The following TRAPPC9 variants were observed in gnomAD, a reference collection of about 807,000 sequenced individuals.
TRAPPC9 encodes the protein IKK2 binding protein.
In TRAPPC9, 83 loss-of-function variants were observed where a neutral mutation model predicts 124.0. The observed-to-expected ratio is 0.67, with a 90% CI of 0.56 to 0.80. The LOEUF (loss-of-function observed/expected upper bound fraction) is 0.80. Among genes scored for constraint, TRAPPC9 ranks in the 30% least tolerant of loss-of-function variants. TRAPPC9 has a pLI of 0.00. For synonymous variants in TRAPPC9, 638 were observed against 617.5 expected (o/e 1.03, Z -0.49); for missense variants, 1,302 against 1,508.3 (o/e 0.86, Z 2.27).
chr8:140,100,878 C>T (rs2060566520), intron 17 of TRAPPC9, among the ~76,000 whole-genome samples: 1 of 152,300 alleles, frequency 6.6e-6, no homozygotes, highest in South Asian at 2.1e-4. Context: ...GGTTCGGAGG[C>T]GTCAGCGCTA....
chr8:140,028,408 A>G (rs1053035154), intron 17 of TRAPPC9, among the ~76,000 whole-genome samples: 10 of 152,226 alleles, frequency 6.6e-5, no homozygotes, highest in Non-Finnish European at 1.3e-4. Context: ...CTTTTATTAA[A>G]GAGTACCTAC....
intron 20 of TRAPPC9, among the ~76,000 whole-genome samples, chr8:139,894,281 G>A (rs913179416): frequency 9.2e-5 from 14 of 152,242 alleles, no homozygotes; most frequent in Non-Finnish European, 1.9e-4. Context: ...GTGCAAAGCT[G>A]TTTCCCTCCT....
At chr8:140,306,450 G>A (rs1169477633) in intron 10 of TRAPPC9, among the ~76,000 whole-genome samples, 13 of 139,698 alleles carry the variant, frequency 9.3e-5, no homozygotes, top group South Asian at 2.2e-4. Flanking sequence ...CCTAGACTGC[G>A]CCACTGCACT....
At chr8:140,359,812 G>A (rs552505607) in intron 9 of TRAPPC9, among the ~76,000 whole-genome samples, 3 of 152,296 alleles carry the variant, frequency 2.0e-5, no homozygotes, top group Admixed American at 2.0e-4. Context: ...ATGGAGTGTG[G>A]CGGCCGAGGA....
intron 17 of TRAPPC9, among the ~76,000 whole-genome samples, chr8:140,116,016 G>A (rs527910328): frequency 1.2e-4 from 18 of 152,264 alleles, no homozygotes; most frequent in South Asian, 1.0e-3. Context: ...AGGAGCTCAC[G>A]AGCATAAAAG....
chr8:139,978,607 C>T (rs980568001), intron 19 of TRAPPC9, among the ~76,000 whole-genome samples: 7 of 152,104 alleles, frequency 4.6e-5, no homozygotes, highest in Non-Finnish European at 7.4e-5. Flanking sequence ...TGAAGGTGGG[C>T]GACAAGCACG....
intron 17 of TRAPPC9, among the ~76,000 whole-genome samples, chr8:140,114,421 T>C (rs910429399): frequency 4.6e-5 from 7 of 151,680 alleles, no homozygotes; most frequent in African/African-American, 9.7e-5. Flanking sequence ...TTTAGGCCCA[T>C]GTAGTCCAAA....
In TRAPPC9 at chr8:140,441,293, G is replaced by T. The variant is rs1238784164; in HGVS notation, c.585-2096C>A. Among the ~76,000 whole-genome samples, 4 of 151,926 alleles carry T rather than the reference G, an allele frequency of 2.6e-5. No homozygotes were observed. In the East Asian group the frequency reaches 7.8e-4, roughly 30 times the overall value. On this transcript the variant is annotated intron_variant, in intron 2 of 22. Transcript: ENST00000438773. ...CAGCCAGCTCTTACTCTCAAAGGTA[G>T]ACAGTGTTTTGCTCACTTCCTTGGT...
At chr8:140,167,609 T>C (rs1383681470) in intron 17 of TRAPPC9, among the ~76,000 whole-genome samples, 1 of 152,168 alleles carries the variant, frequency 6.6e-6, no homozygotes, top group East Asian at 1.9e-4. Context: ...CATGTGGTAG[T>C]TATAGGAACA....
chr8:139,891,888 G>A (rs557627287), intron 20 of TRAPPC9, among the ~76,000 whole-genome samples: 85 of 152,324 alleles, frequency 5.6e-4, no homozygotes, highest in Non-Finnish European at 1.1e-3. Context: ...AATTTACAGA[G>A]AAGGAAAGAG....
At chr8:140,187,141 G>A (rs2062370506) in intron 17 of TRAPPC9, among the ~76,000 whole-genome samples, 1 of 152,158 alleles carries the variant, frequency 6.6e-6, no homozygotes, top group Non-Finnish European at 1.5e-5. Flanking sequence ...GACCTGTGCA[G>A]GTCCACTCAT....
intron 19 of TRAPPC9, chr8:139,932,347 C>T (rs1292318613): frequency 2.2e-6 from 1 of 457,878 alleles, no homozygotes; most frequent in Admixed American, 2.3e-5. Flanking sequence ...GCCACGGGAC[C>T]TGAGCAGAGT....
chr8:140,037,829 A>AC (rs1841003799), intron 17 of TRAPPC9, among the ~76,000 whole-genome samples: 1 of 129,468 alleles, frequency 7.7e-6, no homozygotes, highest in African/African-American at 2.8e-5. Flanking sequence ...ACACATACCC[A>AC]ACACACACCA....
In TRAPPC9 at chr8:139,788,235, C is replaced by G. The variant is rs1822412646; in HGVS notation, c.3056-56033G>C. Among the ~76,000 whole-genome samples the G allele has an allele frequency of 6.6e-6, 1 of 152,332 alleles. No individual in the cohort carries two copies. The highest frequency in any genetic ancestry group is 6.5e-5 in the Admixed American group (1 of 15,308). Reference sequence around the variant, plus strand: ...GCAGCCCCTCCTGTGGCCCAGGACTCTGCTGAGCTTCAGGTCCTGGGTGGC... The same window carrying G: ...GCAGCCCCTCCTGTGGCCCAGGACTGTGCTGAGCTTCAGGTCCTGGGTGGC... On this transcript the variant is annotated intron_variant, in intron 21 of 22. Transcript: ENST00000438773. This position sits in a 1 kb window ranked among gnomAD's most constrained non-coding sequence, Gnocchi z 4.9.
At chr8:140,077,027 A>G (rs1843548736) in intron 17 of TRAPPC9, among the ~76,000 whole-genome samples, 1 of 152,046 alleles carries the variant, frequency 6.6e-6, no homozygotes, top group African/African-American at 2.4e-5. Flanking sequence ...TTAGCTGCGC[A>G]TGGTAGCACA....
chr8:140,132,868 C>G (rs1197231565), intron 17 of TRAPPC9, among the ~76,000 whole-genome samples: 2 of 152,150 alleles, frequency 1.3e-5, no homozygotes, highest in African/African-American at 4.8e-5. Flanking sequence ...TAAGGCTTGG[C>G]AGCACGCAAG....
chr8:139,798,046 T>G (rs574429276), intron 21 of TRAPPC9, among the ~76,000 whole-genome samples: 125 of 152,372 alleles, frequency 8.2e-4, no homozygotes, highest in Non-Finnish European at 1.6e-3. Flanking sequence ...AGAAGCCAGC[T>G]GGGATTTTGA....
chr8:140,253,745 GTGTTTCCCT>G (rs937598151), intron 15 of TRAPPC9, among the ~76,000 whole-genome samples: 12 of 152,016 alleles, frequency 7.9e-5, no homozygotes, highest in Middle Eastern at 3.2e-3. Flanking sequence ...CCGGGGAGAG[GTGTTTCCCT>G]TGCTTTCTGG....
At chr8:140,180,362 T>C (rs2062170616) in intron 17 of TRAPPC9, among the ~76,000 whole-genome samples, 1 of 152,044 alleles carries the variant, frequency 6.6e-6, no homozygotes, top group South Asian at 2.1e-4. Context: ...TTCCATCCTA[T>C]GTTTGTCATA....
Sources: gnomAD v4.1 joint callset for allele counts (sites outside exome capture counted in the v4.1 genomes callset) on GRCh38, gnomAD v4.1.1 for gene constraint, Gnocchi (gnomAD v3.1) non-coding constraint, MANE v1.5 for transcripts, NCBI Gene and HGNC (gene_info 2026-07-23, HGNC 2026-07-21) for gene names.